ZNF275: variants seen among roughly 807,000 people sequenced by gnomAD.
ZNF275 encodes the protein zinc finger protein 275.
Under a neutral mutation model 4.3 loss-of-function variants are expected in ZNF275, and 4 were observed. That is an observed-to-expected ratio of 0.93 (90% CI 0.46 to 2.13). ZNF275 has a LOEUF of 2.13. Ranked by LOEUF, ZNF275 falls within the 30% of genes most tolerant of loss-of-function variation. The pLI is 0.02. For synonymous variants in ZNF275, 173 were observed against 166.9 expected, an observed-to-expected ratio of 1.04 and a Z score of -0.28; for missense variants, 352 against 397.1, an observed-to-expected ratio of 0.89 and a Z score of 0.97.
intron 2 of ZNF275, among the ~76,000 whole-genome samples, chrX:153,341,291 C>A (rs2088478816): frequency 9.0e-6 from 1 of 111,353 alleles, no homozygotes; most frequent in Non-Finnish European, 1.9e-5. Context: ...CCCTCTTTTT[C>A]TTTACCTTTC....
At position 153,335,011 on chromosome X, in the gene ZNF275, C is replaced by G. The variant is rs368777942; in HGVS notation, c.-47+726C>G. Among the ~76,000 whole-genome samples, 86 of 111,155 alleles carry G rather than the reference C, an allele frequency of 7.7e-4. 1 individual carries two copies. The East Asian group carries it at 0.016, about 20-fold the overall frequency. ...TCTGTCTGAACCAGTCTTTTTCTGT[C>G]GCCCTACTGGGGGCCGCCATCTCCC... On this transcript the variant is annotated intron_variant, in intron 1 of 3. Coordinates refer to ENST00000650114, the MANE Select transcript of ZNF275 (RefSeq NM_001367757.1).
chrX:153,336,598 C>G, intron 1 of ZNF275, 36 bp from the exon 2 acceptor site: 1 of 1,027,166 alleles, frequency 9.7e-7, no homozygotes, highest in Non-Finnish European at 1.3e-6. Flanking sequence ...GCACACAGGT[C>G]TGCTTCTGTT....
chrX:153,341,070 C>T (rs781897403), intron 2 of ZNF275, among the ~76,000 whole-genome samples: 2 of 112,157 alleles, frequency 1.8e-5, no homozygotes, highest in South Asian at 7.5e-4. Context: ...ATCATGTTTT[C>T]CATTCTCCAT....
Position 153,347,423 on chromosome X carries a change from C to G in ZNF275, c.738C>G (p.Phe246Leu). 1 of 1,211,968 alleles carries G rather than the reference C, an allele frequency of 8.3e-7. No individual in the cohort carries two copies. Among genetic ancestry groups the G allele is most frequent in the Non-Finnish European group, 1.1e-6 (1 of 895,412 alleles). The change falls in exon 4 of 4, where the codon TTC (phenylalanine) becomes TTG (leucine). Residue 246 changes from phenylalanine to leucine, a missense_variant. Coordinates refer to ENST00000650114, the MANE Select transcript of ZNF275 (RefSeq NM_001367757.1). The stretch of plus-strand genomic sequence containing the variant: ...CCTGCAAGGCGTGCAGCAGGGATTT[C>G]CTGGATCGCCAGGAGCTTCTCAAGC... ...PFACKACSRD[F>L]LDRQELLKHQ...
intron 2 of ZNF275, among the ~76,000 whole-genome samples, chrX:153,342,381 C>T (rs1318550425): frequency 3.6e-5 from 4 of 111,919 alleles, no homozygotes; most frequent in Non-Finnish European, 7.5e-5. Flanking sequence ...CATCACTGGT[C>T]ATTTCTGTGT....
chrX:153,344,657 G>T (rs376020758), intron 2 of ZNF275: 61 of 374,256 alleles, frequency 1.6e-4, no homozygotes, highest in African/African-American at 8.7e-4. Flanking sequence ...GATGAGCCCT[G>T]GGAATTCTTT....
At position 153,349,686 on chromosome X, in the gene ZNF275, T is replaced by C. The variant is rs1285691172; in HGVS notation, c.*1711T>C. 8.1e-6 allele frequency: 1 copy of C among 123,713 alleles called. No individual in the cohort carries two copies. The highest frequency in any genetic ancestry group is 1.9e-5 in the Non-Finnish European group (1 of 53,348). The allele number at this position is 123,713 out of a possible 1,213,427, so 10.2% of individuals were successfully genotyped here. On this transcript the variant is annotated 3_prime_UTR_variant, in exon 4 of 4. Transcript: ENST00000650114. ...GATATGATGACATTTTCTCTAGAAT[T>C]TTAATTACAAACAAAAAGCTGCAAC...
At position 153,347,865 on chromosome X, in the gene ZNF275, C is replaced by T. The variant is rs782148285; in HGVS notation, c.1180C>T (p.Arg394Cys). The T allele has an allele frequency of 2.8e-5, 34 of 1,200,005 alleles. No homozygotes were observed. Among genetic ancestry groups the T allele is most frequent in the Non-Finnish European group, 3.7e-5 (33 of 889,704 alleles). Residue 394 changes from arginine to cysteine, a missense_variant, in exon 4 of 4, where the codon CGC becomes TGC. Arg to Cys is a radical substitution (Grantham distance 180, BLOSUM62 -3). Transcript: ENST00000650114. Reference sequence around the variant, plus strand: ...CTTCCGCCGGAGCTCCGGCCTCAGTCGCCACCGGCGGATCCACAGTGGGGC... The same window carrying T: ...CTTCCGCCGGAGCTCCGGCCTCAGTTGCCACCGGCGGATCCACAGTGGGGC... ...KAFRRSSGLS[R>C]HRRIHSGARR...
At position 153,347,527 on chromosome X, in the gene ZNF275, C is replaced by T; in HGVS notation, c.842C>T (p.Ala281Val). The change falls in exon 4 of 4, where the codon GCC becomes GTC. Residue 281 changes from alanine to valine, a missense_variant. Coordinates refer to ENST00000650114, the MANE Select transcript of ZNF275 (RefSeq NM_001367757.1). ...GKSFRGVNGL[A>V]EHQRIHSGAK... ...TCCTTCCGAGGGGTCAACGGGCTGG[C>T]CGAGCACCAGCGCATCCACAGTGGG... 2 of 1,192,041 alleles carry T rather than the reference C, an allele frequency of 1.7e-6. No homozygotes were observed. Among genetic ancestry groups the T allele is most frequent in the Non-Finnish European group, 2.3e-6 (2 of 886,085 alleles).
Position 153,347,603 on chromosome X carries a change from G to A in ZNF275, c.918G>A (p.Ser306=), listed in dbSNP as rs782340997. The change falls in exon 4 of 4, where the codon TCG becomes TCA. Residue 306 remains serine, a synonymous_variant. Coordinates refer to ENST00000650114, the MANE Select transcript of ZNF275 (RefSeq NM_001367757.1). ...GCGGCAAGCTCTTCCGAAGGAGCTC[G>A]GAGCTCACCAAGCACCGGCGGATCC... ...PHCGKLFRRS[S]ELTKHRRIHT... 13 of 1,197,125 alleles carry A rather than the reference G, an allele frequency of 1.1e-5. No homozygotes were observed. The South Asian group carries it at 1.3e-4, about 12-fold the overall frequency.
rs1180469774 is a variant in ZNF275, at chrX:153,351,769, C to T, written c.*3794C>T. ...CCCACTCTTGCATTTCCAGAATAGTCCCTACCCAATTGCAGCGGGCATGTT... is the reference window on the plus strand; with the variant it reads ...CCCACTCTTGCATTTCCAGAATAGTTCCTACCCAATTGCAGCGGGCATGTT... On this transcript the variant is annotated 3_prime_UTR_variant, in exon 4 of 4. Transcript: ENST00000650114. The T allele has an allele frequency of 8.9e-6, 1 of 111,795 alleles. No individual in the cohort carries two copies. Among genetic ancestry groups the T allele is most frequent in the African/African-American group, 3.2e-5 (1 of 30,772 alleles). The allele number at this position is 111,795 out of a possible 1,213,427, so 9.2% of individuals were successfully genotyped here.
chrX:153,343,403 C>T (rs181199432), intron 2 of ZNF275: 8 of 353,024 alleles, frequency 2.3e-5, no homozygotes, highest in Admixed American at 2.2e-4. Flanking sequence ...GCCTGTGATG[C>T]ACGGATGCCG....
At chrX:153,340,054 C>T (rs782484894) in intron 2 of ZNF275, among the ~76,000 whole-genome samples, 5 of 112,285 alleles carry the variant, frequency 4.5e-5, no homozygotes, top group African/African-American at 1.6e-4. Context: ...AATTCATGAC[C>T]AGTTCATTTT....
chrX:153,344,766 CGTG>C lies in ZNF275; in HGVS notation c.32-753_32-751del, dbSNP rs782627724. ...AGAGGGCACTGGAATATTATGGGAA[CGTG>C]ACCTCTGTGGGTAAGGATGTCCCAG... On this transcript the variant is annotated intron_variant, in intron 2 of 3. Transcript: ENST00000650114. The C allele has an allele frequency of 4.6e-5, 17 of 370,957 alleles. No individual in the cohort carries two copies. The East Asian group carries it at 9.9e-4, about 22-fold the overall frequency. 30.6% of individuals were successfully genotyped at this position (370,957 alleles called of 1,213,427 possible).
chrX:153,334,194 G>C lies in ZNF275; in HGVS notation c.-138G>C, dbSNP rs2088427665. ...GCTGTTAGCTCGGCTGGGCACGGGC[G>C]GCTCCGTGGCGCTTCCTGCCACGCC... On this transcript the variant is annotated 5_prime_UTR_variant, in exon 1 of 4. Coordinates refer to ENST00000650114, the MANE Select transcript of ZNF275 (RefSeq NM_001367757.1). 1 of 111,401 alleles carries C rather than the reference G, an allele frequency of 9.0e-6. No homozygotes were observed. The highest frequency in any genetic ancestry group is 1.9e-5 in the Non-Finnish European group (1 of 52,718). The allele number at this position is 111,401 out of a possible 1,213,427, so 9.2% of individuals were successfully genotyped here.
chrX:153,335,085 T>C (rs2088436678), intron 1 of ZNF275, among the ~76,000 whole-genome samples: 1 of 107,294 alleles, frequency 9.3e-6, no homozygotes, highest in African/African-American at 3.4e-5. Flanking sequence ...TCCTCCAGTC[T>C]ATATTTGGGT....
intron 2 of ZNF275, chrX:153,343,462 T>C (rs1556961192): frequency 5.8e-6 from 2 of 343,487 alleles, no homozygotes. Flanking sequence ...GAAGATAATT[T>C]GTACAAATCA....
At position 153,345,814 on chromosome X, in the gene ZNF275, G is replaced by T. The variant is rs1453649287; in HGVS notation, c.133+193G>T. 2.3e-4 allele frequency among the ~76,000 whole-genome samples: 25 copies of T among 108,796 alleles called. No homozygotes were observed. The Admixed American group carries it at 2.4e-3, about 11-fold the overall frequency. The allele number at this position is 108,796 out of a possible 115,157, so 94.5% of individuals were successfully genotyped here. ...CTTGGGCTTGAGGTTAGGGTTGAGA[G>T]AAACAGCTGATCTCTCAGGGGTTTG... On this transcript the variant is annotated intron_variant, in intron 3 of 3. Transcript: ENST00000650114.
At chrX:153,343,211 T>C (rs1340814092) in intron 2 of ZNF275, among the ~76,000 whole-genome samples, 1 of 112,163 alleles carries the variant, frequency 8.9e-6, no homozygotes, top group East Asian at 2.8e-4. Context: ...GAAGTTTCTG[T>C]CCATTCTTTT....
Sources: gnomAD v4.1 joint callset for allele counts (sites outside exome capture counted in the v4.1 genomes callset) on GRCh38, gnomAD v4.1.1 for gene constraint, MANE v1.5 for transcripts, NCBI Gene and HGNC (gene_info 2026-07-23, HGNC 2026-07-21) for gene names.